The following GNB4 variants were observed in gnomAD, a reference collection of about 807,000 sequenced individuals.
GNB4 encodes the protein G protein subunit beta 4.
A neutral mutation model predicts 45.2 loss-of-function variants in GNB4; 28 were observed. The observed-to-expected ratio is 0.62, with a 90% CI of 0.46 to 0.85. GNB4 has a LOEUF of 0.85. Ranked by LOEUF, GNB4 falls within the 40% of genes least tolerant of loss-of-function variation. The probability of loss-of-function intolerance (pLI) is 0.00; values close to 1 mark genes in which losing one functional copy is unlikely to be tolerated. For missense variants in GNB4, 321 were observed against 425.4 expected, an observed-to-expected ratio of 0.75 and a Z score of 2.16; for synonymous variants, 132 against 143.7, an observed-to-expected ratio of 0.92 and a Z score of 0.58.
At chr3:179,435,183 G>A (rs1025245092) in intron 1 of GNB4, among the ~76,000 whole-genome samples, 11 of 152,018 alleles carry the variant, frequency 7.2e-5, no homozygotes, top group African/African-American at 2.2e-4. Context: ...TCTGCCATAC[G>A]GCCTCTTTTC....
At chr3:179,480,867 T>G in the GNB4 span, among the ~76,000 whole-genome samples, 2 of 150,702 alleles carry the variant, frequency 1.3e-5, no homozygotes, top group African/African-American at 4.9e-5. Flanking sequence ...TTTTTTTTTT[T>G]TTGAGACGGA....
intron 1 of GNB4, among the ~76,000 whole-genome samples, chr3:179,428,007 A>AG (rs1158862711): frequency 6.6e-6 from 1 of 152,226 alleles, no homozygotes; most frequent in Non-Finnish European, 1.5e-5. Flanking sequence ...TTCCTATAAA[A>AG]GATTGATTCC....
At chr3:179,500,405 T>A in the GNB4 span, among the ~76,000 whole-genome samples, 5 of 152,202 alleles carry the variant, frequency 3.3e-5, no homozygotes, top group Non-Finnish European at 2.9e-5. Flanking sequence ...ATGTGTGGCG[T>A]TATTTCTCAG....
Position 179,413,481 on chromosome 3 carries a change from T to A in GNB4, c.630A>T (p.Leu210Phe), listed in dbSNP as rs779372670. The A allele has an allele frequency of 1.4e-5, 22 of 1,613,976 alleles. No individual in the cohort carries two copies. Among genetic ancestry groups the A allele is most frequent in the Non-Finnish European group, 1.8e-5 (21 of 1,179,998 alleles). ...VSGACDASSK[L>F]WDIRDGMCRQ... The stretch of plus-strand genomic sequence containing the variant: ...TACACATTCCATCTCGAATATCCCA[T>A]AATTTGGAAGAGGCATCACAAGCAC... Residue 210 changes from leucine (L) to phenylalanine (F), a missense_variant, in exon 8 of 10, where the codon TTA (leucine) becomes TTT (phenylalanine). Coordinates refer to ENST00000232564, the MANE Select transcript of GNB4 (RefSeq NM_021629.4).
At chr3:179,435,648 GT>G (rs922143998) in intron 1 of GNB4, among the ~76,000 whole-genome samples, 5 of 152,128 alleles carry the variant, frequency 3.3e-5, no homozygotes, top group African/African-American at 1.2e-4. Context: ...CATAAACACA[GT>G]GCTCTTATTT....
At chr3:179,417,669 G>A (rs1048654089) in intron 4 of GNB4, among the ~76,000 whole-genome samples, 4 of 152,166 alleles carry the variant, frequency 2.6e-5, no homozygotes, top group Non-Finnish European at 4.4e-5. Context: ...TTACAGGCAT[G>A]AGCCACCATG....
chr3:179,497,883 A>C, the GNB4 span, among the ~76,000 whole-genome samples: 5 of 152,200 alleles, frequency 3.3e-5, no homozygotes, highest in African/African-American at 1.2e-4. Flanking sequence ...TATTATCAAA[A>C]AGCAAAAAAA....
chr3:179,517,005 C>G, the GNB4 span, among the ~76,000 whole-genome samples: 1 of 152,074 alleles, frequency 6.6e-6, no homozygotes, highest in Non-Finnish European at 1.5e-5. Context: ...GATGGAGGAT[C>G]CTCGCATAGT....
chr3:179,401,076 A>T lies in GNB4; in HGVS notation c.*137T>A. 1.9e-6 allele frequency: 1 copy of T among 536,206 alleles called. No individual in the cohort carries two copies. Among genetic ancestry groups the T allele is most frequent in the Non-Finnish European group, 3.1e-6 (1 of 322,900 alleles). 33.2% of individuals were successfully genotyped at this position (536,206 alleles called of 1,614,324 possible). ...ACCCCCACTTTTTTTTTGGTAGTTTACTGAAAGCTTGTTTTTGTAGATAAT... is the reference window on the plus strand; with the variant it reads ...ACCCCCACTTTTTTTTTGGTAGTTTTCTGAAAGCTTGTTTTTGTAGATAAT... On this transcript the variant is annotated 3_prime_UTR_variant, in exon 10 of 10. Transcript: ENST00000232564.
At chr3:179,490,168 G>T in the GNB4 span, among the ~76,000 whole-genome samples, 2 of 152,204 alleles carry the variant, frequency 1.3e-5, no homozygotes, top group Admixed American at 6.5e-5. Flanking sequence ...GATAGCAGAT[G>T]TACTGGAGAA....
chr3:179,493,170 G>C, the GNB4 span, among the ~76,000 whole-genome samples: 856 of 152,172 alleles, frequency 5.6e-3, 1 homozygote, highest in Non-Finnish European at 8.8e-3. Context: ...AACTCAAAAA[G>C]ACAAGGGAAC....
the GNB4 span, among the ~76,000 whole-genome samples, chr3:179,474,130 A>T: frequency 6.6e-6 from 1 of 152,206 alleles, no homozygotes; most frequent in Non-Finnish European, 1.5e-5. Flanking sequence ...TTCAAGGCTT[A>T]GTGAGCTATG....
chr3:179,406,569 T>C lies in GNB4; in HGVS notation c.700-1163A>G, dbSNP rs549848614. Among the ~76,000 whole-genome samples the C allele has an allele frequency of 1.8e-3, 268 of 152,292 alleles. 2 individuals are homozygous for C. The highest frequency in any genetic ancestry group is 6.2e-3 in the African/African-American group (257 of 41,556). ...TCATCTTGAATTTTCTCCCATCTTT[T>C]GATACTCTTAAATTCAACAGGATGT... is the stretch of plus-strand genomic sequence containing the variant. On this transcript the variant is annotated intron_variant, in intron 8 of 9. Transcript: ENST00000232564.
intron 1 of GNB4, 90 bp downstream of exon 1, chr3:179,451,253 GGGT>G (rs1357508840): frequency 6.6e-6 from 1 of 151,564 alleles, no homozygotes; most frequent in African/African-American, 2.4e-5. Context: ...CGTTCCGCAG[GGGT>G]GGCTCGCGGC....
intron 2 of GNB4, among the ~76,000 whole-genome samples, chr3:179,422,561 A>G (rs1715022586): frequency 6.6e-6 from 1 of 152,194 alleles, no homozygotes; most frequent in Non-Finnish European, 1.5e-5. Context: ...CACAAGAAAT[A>G]AAAAATCTGG....
At chr3:179,458,065 C>T in the GNB4 span, among the ~76,000 whole-genome samples, 1 of 152,126 alleles carries the variant, frequency 6.6e-6, no homozygotes, top group Non-Finnish European at 1.5e-5. Flanking sequence ...CCACCACGCT[C>T]AGGTAATTTT....
intron 1 of GNB4, among the ~76,000 whole-genome samples, chr3:179,438,106 G>A (rs1224402617): frequency 2.6e-5 from 4 of 151,908 alleles, no homozygotes; most frequent in African/African-American, 9.7e-5. Flanking sequence ...GGATTACCCC[G>A]AACTTAAAAA....
chr3:179,488,414 A>T, the GNB4 span, among the ~76,000 whole-genome samples: 1 of 152,268 alleles, frequency 6.6e-6, no homozygotes, highest in East Asian at 1.9e-4. Context: ...TTGAATATGT[A>T]TGCTTAGCCA....
At chr3:179,459,300 A>G in the GNB4 span, among the ~76,000 whole-genome samples, 7 of 152,262 alleles carry the variant, frequency 4.6e-5, no homozygotes, top group African/African-American at 1.7e-4. Flanking sequence ...CCTATATTCA[A>G]TCAAACAGCT....
Sources: allele counts gnomAD v4.1 joint callset (sites outside exome capture counted in the v4.1 genomes callset), GRCh38; gene constraint gnomAD v4.1.1; transcripts MANE v1.5; gene names NCBI Gene and HGNC (gene_info 2026-07-23, HGNC 2026-07-21).